The following MNAT1 variants were observed in gnomAD, a reference collection of about 807,000 sequenced individuals.
MNAT1 encodes the protein CDK-activating kinase assembly factor MAT1.
Under a neutral mutation model 42.0 loss-of-function variants are expected in MNAT1, and 43 were observed. The ratio of observed to expected loss-of-function variants is 1.02; its 90% CI spans 0.80 to 1.32. The LOEUF (loss-of-function observed/expected upper bound fraction) is 1.32, where lower values mean the gene tolerates loss of function less well. Among genes scored for constraint, MNAT1 ranks in the 40% most tolerant of loss-of-function variants. The pLI, the probability that MNAT1 is intolerant of heterozygous loss-of-function variation, is 0.00. For missense variants in MNAT1, 306 were observed against 350.4 expected, an observed-to-expected ratio of 0.87 and a Z score of 1.01; for synonymous variants, 118 against 120.0, an observed-to-expected ratio of 0.98 and a Z score of 0.11.
At chr14:60,833,040 T>C (rs1398843086) in intron 6 of MNAT1, among the ~76,000 whole-genome samples, 2 of 152,214 alleles carry the variant, frequency 1.3e-5, no homozygotes, top group Non-Finnish European at 2.9e-5. Flanking sequence ...ATCCTGAGAC[T>C]TTGCTGAAGT....
chr14:60,746,929 C>T (rs796953305), intron 1 of MNAT1, among the ~76,000 whole-genome samples: 2,788 of 5,610 alleles, frequency 0.5, 381 homozygotes, highest in East Asian at 0.64. Context: ...TATATACACA[C>T]ACACACACAC....
chr14:60,868,473 G>C (rs944858126), intron 6 of MNAT1, among the ~76,000 whole-genome samples: 16 of 152,162 alleles, frequency 1.1e-4, no homozygotes, highest in Non-Finnish European at 1.8e-4. Context: ...GAATTTGACA[G>C]ATTTAACATT....
intron 5 of MNAT1, among the ~76,000 whole-genome samples, chr14:60,817,215 GTTCT>G (rs1158386259): frequency 1.3e-5 from 2 of 151,632 alleles, no homozygotes; most frequent in Admixed American, 6.6e-5. Flanking sequence ...CATTAAAAAT[GTTCT>G]TTAATTTTAT....
chr14:60,817,239 T>C (rs558843735), intron 5 of MNAT1, among the ~76,000 whole-genome samples: 1 of 151,816 alleles, frequency 6.6e-6, no homozygotes. Flanking sequence ...TATTTTATTA[T>C]AAAATTCTTA....
intron 6 of MNAT1, among the ~76,000 whole-genome samples, chr14:60,855,575 C>T (rs562216729): frequency 6.6e-6 from 1 of 152,174 alleles, no homozygotes; most frequent in South Asian, 2.1e-4. Flanking sequence ...CAGCTCCTTG[C>T]ACTTCCTGGG....
At chr14:60,825,874 TAAAA>T (rs1389679321) in intron 6 of MNAT1, among the ~76,000 whole-genome samples, 1 of 152,066 alleles carries the variant, frequency 6.6e-6, no homozygotes, top group Admixed American at 6.6e-5. Context: ...CTGCTCTACT[TAAAA>T]AAAGTCAAAA....
intron 5 of MNAT1, among the ~76,000 whole-genome samples, chr14:60,818,066 G>A (rs1285928778): frequency 2.0e-5 from 3 of 151,940 alleles, no homozygotes; most frequent in Non-Finnish European, 2.9e-5. Flanking sequence ...GATGTAAGAG[G>A]ACTTCTTGTT....
intron 6 of MNAT1, among the ~76,000 whole-genome samples, chr14:60,863,858 T>C (rs1056547779): frequency 6.6e-6 from 1 of 152,064 alleles, no homozygotes; most frequent in Admixed American, 6.6e-5. Flanking sequence ...ATTTAAAGGA[T>C]TGATTAGTAT....
chr14:60,771,259 G>A (rs1170492084), intron 1 of MNAT1, among the ~76,000 whole-genome samples: 1 of 151,960 alleles, frequency 6.6e-6, no homozygotes, highest in East Asian at 1.9e-4. Context: ...ATTCAGATGT[G>A]AAGTGGCATT....
intron 7 of MNAT1, among the ~76,000 whole-genome samples, chr14:60,884,965 C>G (rs540701601): frequency 4.6e-5 from 7 of 152,052 alleles, no homozygotes; most frequent in Admixed American, 4.6e-4. Context: ...ACATTTTCAC[C>G]GGATATACTA....
Position 60,798,177 on chromosome 14 carries a change from A to G in MNAT1, c.316+17A>G, listed in dbSNP as rs778167659. 1 of 1,322,038 alleles carries G rather than the reference A, an allele frequency of 7.6e-7. No homozygotes were observed. Among genetic ancestry groups the G allele is most frequent in the East Asian group, 2.3e-5 (1 of 43,304 alleles). The allele number at this position is 1,322,038 out of a possible 1,614,324, so 81.9% of individuals were successfully genotyped here. A position where few individuals can be genotyped will look rare whatever the true frequency, so the allele number is the denominator to read the frequency against. On this transcript the variant is annotated intron_variant, in intron 3 of 7. Coordinates refer to ENST00000261245, the MANE Select transcript of MNAT1 (RefSeq NM_002431.4). ...AAGAAATTGGTACGTTTTTAATTTG[A>G]TGTATGCTAGCCTATAAGACCATGT...
chr14:60,872,569 C>T (rs962072148), intron 6 of MNAT1, among the ~76,000 whole-genome samples: 3 of 151,970 alleles, frequency 2.0e-5, no homozygotes, highest in African/African-American at 4.8e-5. Flanking sequence ...GACCATATTA[C>T]TTTAACCTTA....
chr14:60,749,907 T>C (rs975907907), intron 1 of MNAT1, among the ~76,000 whole-genome samples: 1 of 152,240 alleles, frequency 6.6e-6, no homozygotes, highest in African/African-American at 2.4e-5. Flanking sequence ...TTACTAGTTG[T>C]TGGTGTTTAC....
chr14:60,956,474 C>CT (rs1373771218), intron 7 of MNAT1, among the ~76,000 whole-genome samples: 1 of 152,146 alleles, frequency 6.6e-6, no homozygotes, highest in African/African-American at 2.4e-5. Flanking sequence ...GTGTATTCTG[C>CT]TGCTGTTGGC....
intron 7 of MNAT1, chr14:60,919,436 G>A (rs1239230931): frequency 6.4e-6 from 1 of 156,592 alleles, no homozygotes; most frequent in Non-Finnish European, 1.5e-5. Context: ...AGGTGGGGAT[G>A]GTGCAGTAGG....
At chr14:60,881,878 G>A (rs1285328533) in intron 7 of MNAT1, among the ~76,000 whole-genome samples, 2 of 152,020 alleles carry the variant, frequency 1.3e-5, no homozygotes, top group Non-Finnish European at 2.9e-5. Flanking sequence ...ACTAGTTCTT[G>A]GCCAGGCGCA....
chr14:60,798,196 ACCATGTG>A, intron 3 of MNAT1, 36 bp downstream of exon 3: 1 of 1,103,872 alleles, frequency 9.1e-7, no homozygotes, highest in Non-Finnish European at 1.3e-6. Flanking sequence ...AGCCTATAAG[ACCATGTG>A]CTTTTATCTT....
chr14:60,795,403 G>A (rs2031982607), intron 1 of MNAT1, among the ~76,000 whole-genome samples: 2 of 152,088 alleles, frequency 1.3e-5, no homozygotes, highest in South Asian at 4.1e-4. Context: ...CAAGTCCCCA[G>A]GAATCTGGTT....
At chr14:60,953,495 T>G (rs1309519735) in intron 7 of MNAT1, among the ~76,000 whole-genome samples, 1 of 152,082 alleles carries the variant, frequency 6.6e-6, no homozygotes. Flanking sequence ...TAAAAGTGCT[T>G]TGGAAATTTG....
Sources: allele counts gnomAD v4.1 joint callset (sites outside exome capture counted in the v4.1 genomes callset), GRCh38; gene constraint gnomAD v4.1.1; transcripts MANE v1.5; gene names NCBI Gene and HGNC (gene_info 2026-07-23, HGNC 2026-07-21).